ACAP2: variants seen among roughly 807,000 people sequenced by gnomAD.
The protein encoded by ACAP2 is arf-GAP with coiled-coil, ANK repeat and PH domain-containing protein 2.
Under a neutral mutation model 115.8 loss-of-function variants are expected in ACAP2, and 39 were observed. The ratio of observed to expected loss-of-function variants is 0.34; its 90% CI spans 0.26 to 0.44. The LOEUF (loss-of-function observed/expected upper bound fraction) is 0.44, where lower values mean the gene tolerates loss of function less well. Ranked by LOEUF, ACAP2 falls within the 20% of genes least tolerant of loss-of-function variation. ACAP2 has a pLI of 1.00. For missense variants in ACAP2, 662 were observed against 927.6 expected, an observed-to-expected ratio of 0.71 and a Z score of 3.72; for synonymous variants, 289 against 315.8, an observed-to-expected ratio of 0.92 and a Z score of 0.90.
At chr3:195,365,842 T>C (rs531182763) in intron 4 of ACAP2, among the ~76,000 whole-genome samples, 1 of 69,874 alleles carries the variant, frequency 1.4e-5, no homozygotes, top group African/African-American at 1.0e-4. Flanking sequence ...CCTATAGTAA[T>C]TTTTTTTTTT....
intron 4 of ACAP2, among the ~76,000 whole-genome samples, chr3:195,359,910 CAAGAA>C (rs996120314): frequency 1.3e-5 from 2 of 151,970 alleles, no homozygotes; most frequent in Non-Finnish European, 2.9e-5. Flanking sequence ...AAATAAAAAG[CAAGAA>C]AAGAAAACAT....
chr3:195,336,367 T>A (rs1730509880), intron 7 of ACAP2: 1 of 152,172 alleles, frequency 6.6e-6, no homozygotes. Context: ...TGACCCACCA[T>A]CAACTTTAAG....
chr3:195,340,486 AAAGT>A (rs1310701559), intron 6 of ACAP2, among the ~76,000 whole-genome samples: 1 of 152,140 alleles, frequency 6.6e-6, no homozygotes, highest in African/African-American at 2.4e-5. Context: ...AGAAAACAAT[AAAGT>A]AAGAAAAGAA....
At chr3:195,352,830 C>T (rs1377480691) in intron 4 of ACAP2, among the ~76,000 whole-genome samples, 3 of 152,138 alleles carry the variant, frequency 2.0e-5, no homozygotes, top group Admixed American at 1.3e-4. Flanking sequence ...TGCAGTGTCT[C>T]AGCACTTTGG....
intron 2 of ACAP2, among the ~76,000 whole-genome samples, chr3:195,384,446 G>T (rs2108757169): frequency 6.6e-6 from 1 of 152,242 alleles, no homozygotes; most frequent in South Asian, 2.1e-4. Context: ...TTGTGAAAAG[G>T]CCAGGCATGG....
intron 22 of ACAP2, among the ~76,000 whole-genome samples, chr3:195,284,207 GT>G (rs1320432693): frequency 6.6e-6 from 1 of 152,158 alleles, no homozygotes; most frequent in Admixed American, 6.5e-5. Flanking sequence ...GAAAATAATT[GT>G]TTAACTTAAA....
At chr3:195,340,106 G>A (rs1730769856) in intron 6 of ACAP2, among the ~76,000 whole-genome samples, 1 of 151,328 alleles carries the variant, frequency 6.6e-6, no homozygotes, top group Non-Finnish European at 1.5e-5. Flanking sequence ...ATGCAAGGCA[G>A]ACCAATTTCA....
chr3:195,370,842 C>G (rs1733082372), intron 4 of ACAP2, among the ~76,000 whole-genome samples: 1 of 151,866 alleles, frequency 6.6e-6, no homozygotes, highest in Admixed American at 6.6e-5. Flanking sequence ...ATCCCAGCTA[C>G]CTGGGAGGCT....
chr3:195,310,700 T>G (rs1728708261), intron 10 of ACAP2, among the ~76,000 whole-genome samples: 1 of 152,200 alleles, frequency 6.6e-6, no homozygotes, highest in African/African-American at 2.4e-5. Context: ...AAAATAGTAT[T>G]AAAACTTATG....
At chr3:195,343,806 G>C (rs1028778789) in intron 5 of ACAP2, among the ~76,000 whole-genome samples, 1 of 152,256 alleles carries the variant, frequency 6.6e-6, no homozygotes, top group Admixed American at 6.5e-5. Context: ...GAAGACAAAT[G>C]ATTTTATAAA....
intron 1 of ACAP2, among the ~76,000 whole-genome samples, chr3:195,409,879 CAAAAAAA>C (rs59779977): frequency 3.5e-5 from 2 of 56,980 alleles, no homozygotes; most frequent in African/African-American, 1.6e-4. Context: ...GACTCCATCT[CAAAAAAA>C]AAAAAAAAAA....
At chr3:195,413,604 G>C (rs1713464535) in intron 1 of ACAP2, among the ~76,000 whole-genome samples, 1 of 151,970 alleles carries the variant, frequency 6.6e-6, no homozygotes, top group African/African-American at 2.4e-5. Flanking sequence ...CAAAAAATTA[G>C]GCGGGTGTGG....
intron 7 of ACAP2, among the ~76,000 whole-genome samples, chr3:195,333,766 C>A (rs1450940797): frequency 6.6e-6 from 1 of 152,118 alleles, no homozygotes; most frequent in Non-Finnish European, 1.5e-5. Context: ...ACCAAGCTCA[C>A]TGACAAACTT....
chr3:195,409,936 A>G (rs147254862), intron 1 of ACAP2, among the ~76,000 whole-genome samples: 4 of 151,502 alleles, frequency 2.6e-5, no homozygotes, highest in Admixed American at 6.6e-5. Flanking sequence ...CCTAAAATTC[A>G]TATGAAATCT....
intron 2 of ACAP2, among the ~76,000 whole-genome samples, chr3:195,385,816 T>C (rs192116966): frequency 1.3e-4 from 20 of 152,348 alleles, no homozygotes; most frequent in Admixed American, 1.3e-3. Context: ...ATAGGCCAGA[T>C]ACGGGACAAA....
intron 9 of ACAP2, chr3:195,326,680 A>T: frequency 2.1e-6 from 1 of 485,018 alleles, no homozygotes; most frequent in South Asian, 3.1e-5. Context: ...CAAGAAGCAT[A>T]GCTTTCAAAG....
intron 4 of ACAP2, among the ~76,000 whole-genome samples, chr3:195,380,430 A>G (rs1191224353): frequency 6.6e-6 from 1 of 152,214 alleles, no homozygotes; most frequent in African/African-American, 2.4e-5. Flanking sequence ...AAAATATAAG[A>G]AACATACAGC....
intron 8 of ACAP2, among the ~76,000 whole-genome samples, chr3:195,329,170 A>T (rs1468639277): frequency 1.3e-5 from 2 of 152,182 alleles, no homozygotes; most frequent in African/African-American, 2.4e-5. Context: ...CTGATGGGGA[A>T]AAAGAATAAA....
At chr3:195,415,440 C>G (rs1713640285) in intron 1 of ACAP2, among the ~76,000 whole-genome samples, 2 of 152,026 alleles carry the variant, frequency 1.3e-5, no homozygotes, top group Admixed American at 6.6e-5. Flanking sequence ...CCATGCCCAG[C>G]TAATTTTTGC....
Sources: gnomAD v4.1 joint callset for allele counts (sites outside exome capture counted in the v4.1 genomes callset) on GRCh38, gnomAD v4.1.1 for gene constraint, MANE v1.5 for transcripts, NCBI Gene and HGNC (gene_info 2026-07-23, HGNC 2026-07-21) for gene names.